Variants in UBE2B observed in about 807,000 individuals in gnomAD.
UBE2B encodes the protein ubiquitin conjugating enzyme E2 B.
Under a neutral mutation model 24.6 loss-of-function variants are expected in UBE2B, and 11 were observed. That is an observed-to-expected ratio of 0.45 (90% CI 0.28 to 0.74). The LOEUF is 0.74. UBE2B is among the 30% of genes least tolerant of loss of function. UBE2B has a pLI of 0.13. For synonymous variants in UBE2B, 68 were observed against 62.4 expected (o/e 1.09, Z -0.42); for missense variants, 78 against 185.6 (o/e 0.42, Z 3.37).
At chr5:134,371,974 G>C (rs1006404042) in intron 1 of UBE2B, among the ~76,000 whole-genome samples, 1 of 152,174 alleles carries the variant, frequency 6.6e-6, no homozygotes, top group Non-Finnish European at 1.5e-5. Flanking sequence ...ACCCTGCGGC[G>C]CCCCCTTCTT....
At chr5:134,375,451 A>T (rs1758582148) in intron 2 of UBE2B, among the ~76,000 whole-genome samples, 1 of 152,164 alleles carries the variant, frequency 6.6e-6, no homozygotes, top group Non-Finnish European at 1.5e-5. Flanking sequence ...ACAAGAGTCT[A>T]CATTTAAAGA....
chr5:134,378,901 C>T (rs1236135429), intron 3 of UBE2B, among the ~76,000 whole-genome samples: 2 of 149,188 alleles, frequency 1.3e-5, no homozygotes, highest in Non-Finnish European at 3.0e-5. Flanking sequence ...TGCACCCTAG[C>T]CTGGACAACA....
chr5:134,385,890 G>A (rs575005920), intron 4 of UBE2B, among the ~76,000 whole-genome samples: 1 of 152,156 alleles, frequency 6.6e-6, no homozygotes, highest in South Asian at 2.1e-4. Flanking sequence ...ATGTGTGCCT[G>A]TAATCCCACC....
At position 134,374,403 on chromosome 5, in the gene UBE2B, T is replaced by C. The variant is rs765406017; in HGVS notation, c.65T>C (p.Val22Ala). 1 of 1,556,010 alleles carries C rather than the reference T, an allele frequency of 6.4e-7. No homozygotes were observed. The highest frequency in any genetic ancestry group is 8.7e-7 in the Non-Finnish European group (1 of 1,148,788). The change falls in exon 2 of 6, where the codon GTG (valine) becomes GCG (alanine). Residue 22 changes from valine to alanine, a missense_variant. Physicochemically the swap from Val to Ala is moderately conservative, Grantham distance 64 (BLOSUM62 0). Coordinates refer to ENST00000265339, the MANE Select transcript of UBE2B (RefSeq NM_003337.4). ...TCCAGGTTACAAGAGGACCCACCTGTGGGTGTCAGTGGCGCACCATCTGAA... is the reference window on the plus strand; with the variant it reads ...TCCAGGTTACAAGAGGACCCACCTGCGGGTGTCAGTGGCGCACCATCTGAA... ...DFKRLQEDPP[V>A]GVSGAPSENN...
intron 2 of UBE2B, chr5:134,374,718 C>T (rs1758570421): frequency 2.2e-6 from 1 of 446,442 alleles, no homozygotes; most frequent in African/African-American, 2.0e-5. Context: ...GAGACTCTGT[C>T]CCCTCCCCAC....
chr5:134,371,982 C>T (rs1758452051), intron 1 of UBE2B, among the ~76,000 whole-genome samples: 2 of 152,250 alleles, frequency 1.3e-5, no homozygotes, highest in South Asian at 2.1e-4. Flanking sequence ...GCGCCCCCTT[C>T]TTGTCCCCTC....
chr5:134,386,028 G>A (rs1758795390), intron 4 of UBE2B, among the ~76,000 whole-genome samples: 1 of 147,522 alleles, frequency 6.8e-6, no homozygotes, highest in Non-Finnish European at 1.5e-5. Context: ...AAAAGAAAAA[G>A]AAAAGAGGAT....
chr5:134,386,736 C>T (rs557487526), intron 4 of UBE2B, among the ~76,000 whole-genome samples: 1 of 152,016 alleles, frequency 6.6e-6, no homozygotes, highest in East Asian at 1.9e-4. Flanking sequence ...TTTTTGACTA[C>T]ATATACTTTA....
intron 2 of UBE2B, among the ~76,000 whole-genome samples, chr5:134,376,336 A>ATATATATATATATATATATAT (rs1412262320): frequency 2.4e-4 from 1 of 4,116 alleles, no homozygotes; most frequent in African/African-American, 5.1e-4. Context: ...AAAAAAAAAA[A>ATATATATATATATATATATAT]AAAAAAAAAA....
chr5:134,372,404 G>T (rs1468890813), intron 1 of UBE2B, among the ~76,000 whole-genome samples: 1 of 152,202 alleles, frequency 6.6e-6, no homozygotes, highest in Non-Finnish European at 1.5e-5. Flanking sequence ...ATAGGGTTTT[G>T]TTAGGAGGTA....
chr5:134,377,190 G>A (rs1758623791), intron 3 of UBE2B, among the ~76,000 whole-genome samples: 1 of 152,154 alleles, frequency 6.6e-6, no homozygotes, highest in Admixed American at 6.5e-5. Context: ...CTAGGAAAAT[G>A]GGAAACTAGT....
At position 134,388,380 on chromosome 5, in the gene UBE2B, A is replaced by G. The variant is rs1293550931; in HGVS notation, c.297A>G (p.Thr99=). The part of the protein sequence containing the change: ...LDILQNRWSP[T]YDVSSILTSI... ...TCCTTCAGAATCGATGGAGTCCAACATATGATGTATCTTCTATCTTAACAT... is the reference window on the plus strand; with the variant it reads ...TCCTTCAGAATCGATGGAGTCCAACGTATGATGTATCTTCTATCTTAACAT... Residue 99 remains threonine (T), a synonymous_variant, in exon 5 of 6, where the codon ACA becomes ACG. Coordinates refer to ENST00000265339, the MANE Select transcript of UBE2B (RefSeq NM_003337.4). 1 of 1,614,162 alleles carries G rather than the reference A, an allele frequency of 6.2e-7. No individual in the cohort carries two copies. Among genetic ancestry groups the G allele is most frequent in the South Asian group, 1.1e-5 (1 of 91,084 alleles).
At chr5:134,380,633 A>T in intron 3 of UBE2B, 86 bp from the exon 4 acceptor site, 1 of 782,896 alleles carries the variant, frequency 1.3e-6, no homozygotes. Context: ...ATGTGGTTGT[A>T]CAAAAACCAG....
In UBE2B at chr5:134,390,308, G is replaced by A. The variant is rs1758879953; in HGVS notation, c.414G>A (p.Glu138=). 1 of 1,614,090 alleles carries A rather than the reference G, an allele frequency of 6.2e-7. No individual in the cohort carries two copies. The highest frequency in any genetic ancestry group is 8.5e-7 in the Non-Finnish European group (1 of 1,180,008). ...QLYQENKREY[E]KRVSAIVEQS... is the part of the protein sequence containing the mutation. ...ATCAGGAAAACAAACGAGAATATGA[G>A]AAAAGAGTTTCGGCCATTGTTGAAC... The change falls in exon 6 of 6, where the codon GAG becomes GAA. Residue 138 remains glutamate, a synonymous_variant. Coordinates refer to ENST00000265339, the MANE Select transcript of UBE2B (RefSeq NM_003337.4). The surrounding 1 kb of genome is among the most constrained non-coding windows in gnomAD (Gnocchi z 4.6).
intron 1 of UBE2B, among the ~76,000 whole-genome samples, chr5:134,372,910 C>T (rs927656030): frequency 6.6e-6 from 1 of 152,186 alleles, no homozygotes; most frequent in African/African-American, 2.4e-5. Context: ...GTGCAAAAGT[C>T]ATCTTTCTAA....
intron 2 of UBE2B, among the ~76,000 whole-genome samples, chr5:134,376,380 A>G (rs1334014797): frequency 2.2e-5 from 2 of 90,326 alleles, no homozygotes; most frequent in Non-Finnish European, 4.4e-5. Context: ...TATGTACAAA[A>G]TGACTGGTCA....
intron 1 of UBE2B, among the ~76,000 whole-genome samples, chr5:134,371,942 G>A (rs1486274943): frequency 2.6e-5 from 4 of 152,236 alleles, no homozygotes; most frequent in African/African-American, 9.6e-5. Flanking sequence ...CAGGCGATCA[G>A]ACATTATCCG....
At chr5:134,381,579 A>G (rs1758710539) in intron 4 of UBE2B, among the ~76,000 whole-genome samples, 2 of 152,192 alleles carry the variant, frequency 1.3e-5, no homozygotes, top group South Asian at 4.1e-4. Flanking sequence ...GCCTTTAGCT[A>G]TGTTTCTGTA....
intron 1 of UBE2B, among the ~76,000 whole-genome samples, chr5:134,371,898 C>T (rs1229291985): frequency 6.6e-6 from 1 of 152,204 alleles, no homozygotes; most frequent in Non-Finnish European, 1.5e-5. Flanking sequence ...GGGTTCCCTG[C>T]TGCCCATTTC....
Sources: allele counts gnomAD v4.1 joint callset (sites outside exome capture counted in the v4.1 genomes callset), GRCh38; gene constraint gnomAD v4.1.1; non-coding constraint Gnocchi (gnomAD v3.1); transcripts MANE v1.5; gene names NCBI Gene and HGNC (gene_info 2026-07-23, HGNC 2026-07-21).